The following SCARB1 variants were observed in gnomAD, a reference collection of about 807,000 sequenced individuals.
SCARB1 encodes the protein CD36 and LIMPII analogous 1.
In SCARB1, 30 loss-of-function variants were observed where a neutral mutation model predicts 57.2. The ratio of observed to expected loss-of-function variants is 0.52; its 90% CI spans 0.39 to 0.71. SCARB1 has a LOEUF of 0.71. Among genes scored for constraint, SCARB1 ranks in the 30% least tolerant of loss-of-function variants. The pLI, the probability that SCARB1 is intolerant of heterozygous loss-of-function variation, is 0.00. For missense variants in SCARB1, 543 were observed against 671.2 expected (o/e 0.81, Z 2.11); for synonymous variants, 249 against 268.3 (o/e 0.93, Z 0.70).
intron 9 of SCARB1, 75 bp downstream of exon 9, chr12:124,795,120 G>A (rs527716944): frequency 9.5e-6 from 12 of 1,258,350 alleles, no homozygotes; most frequent in African/African-American, 1.5e-5. Context: ...TGTCACTGGA[G>A]TCTGGGACCA....
At position 124,817,846 on chromosome 12, in the gene SCARB1, A is replaced by G; in HGVS notation, c.127-139T>C. ...GAGCTTGGGATAGGAGGTGGTGGGA[A>G]AGCCCTTCGCACATGAGGCTGTCGC... On this transcript the variant is annotated intron_variant, in intron 1 of 12. Transcript: ENST00000261693. This position sits in a 1 kb window ranked among gnomAD's most constrained non-coding sequence, Gnocchi z 4.8. 2.3e-6 allele frequency: 2 copies of G among 888,666 alleles called. No individual in the cohort carries two copies. Among genetic ancestry groups the G allele is most frequent in the Non-Finnish European group, 1.9e-6 (1 of 528,398 alleles). The allele number at this position is 888,666 out of a possible 1,614,324, so 55.0% of individuals were successfully genotyped here. A position where few individuals can be genotyped will look rare whatever the true frequency, so the allele number is the denominator to read the frequency against.
chr12:124,831,157 T>A (rs1195514958), intron 1 of SCARB1, among the ~76,000 whole-genome samples: 5 of 152,120 alleles, frequency 3.3e-5, no homozygotes, highest in African/African-American at 7.2e-5. Context: ...TGTATTTTTT[T>A]AAGTAGAGAC....
intron 1 of SCARB1, among the ~76,000 whole-genome samples, chr12:124,838,221 C>T (rs951876570): frequency 2.6e-5 from 4 of 152,240 alleles, no homozygotes; most frequent in Admixed American, 6.5e-5. Flanking sequence ...GCCAGCTTCA[C>T]GGGTGAGGCC....
At chr12:124,783,764 A>C (rs1235900664) in intron 11 of SCARB1, 1 of 152,382 alleles carries the variant, frequency 6.6e-6, no homozygotes, top group South Asian at 2.1e-4. Context: ...TGGGCAACAC[A>C]GCAAGACTCC....
intron 1 of SCARB1, among the ~76,000 whole-genome samples, chr12:124,824,774 C>T (rs547781835): frequency 6.6e-6 from 1 of 152,332 alleles, no homozygotes; most frequent in African/African-American, 2.4e-5. Flanking sequence ...TGGTGCAGAG[C>T]ACCAGCTTCC....
intron 1 of SCARB1, among the ~76,000 whole-genome samples, chr12:124,837,041 T>A (rs1409085158): frequency 4.6e-5 from 7 of 152,136 alleles, no homozygotes; most frequent in Non-Finnish European, 1.0e-4. Flanking sequence ...CATACAGTCC[T>A]GGTCCCCGGG....
At chr12:124,859,949 ATTTTTT>A (rs63359362) in intron 1 of SCARB1, among the ~76,000 whole-genome samples, 1 of 117,958 alleles carries the variant, frequency 8.5e-6, no homozygotes. Context: ...AAGTTCCTTC[ATTTTTT>A]TTTTTTTTTT....
chr12:124,778,689 T>A, intron 12 of SCARB1, 103 bp from the exon 13 acceptor site: 1 of 1,060,032 alleles, frequency 9.4e-7, no homozygotes. Context: ...CAGCAGAGAC[T>A]CCACCCCCGC....
At chr12:124,791,476 G>C (rs1332437035) in intron 9 of SCARB1, among the ~76,000 whole-genome samples, 1 of 152,174 alleles carries the variant, frequency 6.6e-6, no homozygotes, top group African/African-American at 2.4e-5. Context: ...TACATGTAAA[G>C]TGCTTCGAAA....
chr12:124,844,863 T>A (rs1374843514), intron 1 of SCARB1, among the ~76,000 whole-genome samples: 1 of 149,524 alleles, frequency 6.7e-6, no homozygotes, highest in Non-Finnish European at 1.5e-5. Flanking sequence ...TTGCCCAGAC[T>A]GGAGTGCAGT....
chr12:124,817,825 T>C lies in SCARB1; in HGVS notation c.127-118A>G, dbSNP rs1950804214. 9.2e-7 allele frequency: 1 copy of C among 1,085,694 alleles called. No individual in the cohort carries two copies. The highest frequency in any genetic ancestry group is 1.3e-5 in the South Asian group (1 of 79,926). 67.3% of individuals were successfully genotyped at this position (1,085,694 alleles called of 1,614,324 possible). On this transcript the variant is annotated intron_variant, in intron 1 of 12. Coordinates refer to ENST00000261693, the MANE Select transcript of SCARB1 (RefSeq NM_005505.5). The surrounding 1 kb of genome is among the most constrained non-coding windows in gnomAD (Gnocchi z 4.8). ...AGGGAAGGGGCTCCTCGGCGGGAGC[T>C]TGGGATAGGAGGTGGTGGGAAAGCC...
chr12:124,848,868 G>C (rs984588136), intron 1 of SCARB1, among the ~76,000 whole-genome samples: 22 of 152,202 alleles, frequency 1.4e-4, no homozygotes, highest in Admixed American at 6.5e-4. Context: ...AGCGTGCATA[G>C]TATGGTCCCA....
In SCARB1 at chr12:124,810,346, C is replaced by G; in HGVS notation, c.727-57G>C. ...GTAGGGCCAAGGCCCCTTAATAAGCCCTCTCAGGTGCTGCACACCTAACTC... is the reference window on the plus strand; with the variant it reads ...GTAGGGCCAAGGCCCCTTAATAAGCGCTCTCAGGTGCTGCACACCTAACTC... On this transcript the variant is annotated intron_variant, in intron 5 of 12. Transcript: ENST00000261693. The surrounding 1 kb of genome is among the most constrained non-coding windows in gnomAD (Gnocchi z 4.0). 8.1e-7 allele frequency: 1 copy of G among 1,235,544 alleles called. No individual in the cohort carries two copies. Among genetic ancestry groups the G allele is most frequent in the Non-Finnish European group, 1.2e-6 (1 of 836,526 alleles). 76.5% of individuals were successfully genotyped at this position (1,235,544 alleles called of 1,614,324 possible). A position where few individuals can be genotyped will look rare whatever the true frequency, so the allele number is the denominator to read the frequency against.
chr12:124,848,525 G>A (rs757351268), intron 1 of SCARB1, among the ~76,000 whole-genome samples: 1 of 152,238 alleles, frequency 6.6e-6, no homozygotes, highest in Admixed American at 6.5e-5. Context: ...GGAGAAGGAC[G>A]TCCTTGTCCT....
chr12:124,786,409 G>C lies in SCARB1; in HGVS notation c.1349C>G (p.Ala450Gly). The change falls in exon 11 of 13, where the codon GCG becomes GGG. Residue 450 changes from alanine (A) to glycine (G), a missense_variant. Physicochemically the swap from Ala to Gly is moderately conservative, Grantham distance 60. Coordinates refer to ENST00000261693, the MANE Select transcript of SCARB1 (RefSeq NM_005505.5). ...GACCAGCAGCAGGACGCAGCCCAGCGCCAGGAGGACGTACTGGGCATAGTG... is the reference window on the plus strand; with the variant it reads ...GACCAGCAGCAGGACGCAGCCCAGCCCCAGGAGGACGTACTGGGCATAGTG... ...VMHYAQYVLL[A>G]LGCVLLLVPV... The C allele has an allele frequency of 6.2e-7, 1 of 1,614,158 alleles. No homozygotes were observed. Among genetic ancestry groups the C allele is most frequent in the Non-Finnish European group, 8.5e-7 (1 of 1,180,022 alleles).
At chr12:124,859,991 C>T (rs1446430439) in intron 1 of SCARB1, among the ~76,000 whole-genome samples, 1 of 138,140 alleles carries the variant, frequency 7.2e-6, no homozygotes, top group East Asian at 2.1e-4. Context: ...CACTCTATTA[C>T]GCAGGCTGGA....
chr12:124,815,814 C>T (rs536390582), intron 2 of SCARB1, among the ~76,000 whole-genome samples: 3 of 152,178 alleles, frequency 2.0e-5, no homozygotes, highest in East Asian at 1.9e-4. Context: ...TGCAGTGAGC[C>T]GAGATCGCGC....
Position 124,814,223 on chromosome 12 carries a change from G to T in SCARB1, c.609C>A (p.Asp203Glu), listed in dbSNP as rs1950613662. Reference protein sequence around the residue: ...KYFPGMFPFKDKFGLFAELNN... With the variant: ...KYFPGMFPFKEKFGLFAELNN... ...GTACCTCAGCAAATAATCCGAACTTGTCCTTGAAGGGGAACATGCCTGGAA... is the reference window on the plus strand; with the variant it reads ...GTACCTCAGCAAATAATCCGAACTTTTCCTTGAAGGGGAACATGCCTGGAA... Residue 203 changes from aspartate to glutamate, a missense_variant, in exon 4 of 13, where the codon GAC becomes GAA. By Grantham distance (45) the Asp-to-Glu change is conservative. Coordinates refer to ENST00000261693, the MANE Select transcript of SCARB1 (RefSeq NM_005505.5). The surrounding 1 kb of genome is among the most constrained non-coding windows in gnomAD (Gnocchi z 4.7). 6.2e-7 allele frequency: 1 copy of T among 1,614,076 alleles called. No homozygotes were observed. The highest frequency in any genetic ancestry group is 8.5e-7 in the Non-Finnish European group (1 of 1,180,044).
At chr12:124,802,017 G>T (rs567352655) in intron 7 of SCARB1, among the ~76,000 whole-genome samples, 3 of 151,584 alleles carry the variant, frequency 2.0e-5, no homozygotes, top group African/African-American at 7.3e-5. Context: ...GGGCCTGGTG[G>T]TGCACACCTG....
Sources: gnomAD v4.1 joint callset for allele counts (sites outside exome capture counted in the v4.1 genomes callset) on GRCh38, gnomAD v4.1.1 for gene constraint, Gnocchi (gnomAD v3.1) non-coding constraint, MANE v1.5 for transcripts, NCBI Gene and HGNC (gene_info 2026-07-23, HGNC 2026-07-21) for gene names.